RBP3: variants seen among roughly 807,000 people sequenced by gnomAD.
RBP3 encodes the protein retinol binding protein 3.
A neutral mutation model predicts 64.8 loss-of-function variants in RBP3; 50 were observed. That is an observed-to-expected ratio of 0.77 (90% CI 0.61 to 0.98). The LOEUF is 0.98. Ranked by LOEUF, RBP3 falls within the 50% of genes least tolerant of loss-of-function variation. The probability of loss-of-function intolerance (pLI) is 0.00; values close to 1 mark genes in which losing one functional copy is unlikely to be tolerated. For synonymous variants in RBP3, 828 were observed against 730.2 expected (o/e 1.13, Z -2.16); for missense variants, 1,712 against 1,660.5 (o/e 1.03, Z -0.54).
intron 3 of RBP3, among the ~76,000 whole-genome samples, chr10:47,356,552 A>T (rs929714947): frequency 1.3e-5 from 2 of 152,212 alleles, no homozygotes; most frequent in Admixed American, 1.3e-4. Context: ...TTACATTTTG[A>T]AAAGAATGTA....
chr10:47,349,572 T>C lies in RBP3; in HGVS notation c.1088T>C (p.Val363Ala). 1 of 1,612,886 alleles carries C rather than the reference T, an allele frequency of 6.2e-7. No homozygotes were observed. The change falls in exon 1 of 4, where the codon GTC (valine) becomes GCC (alanine). Residue 363 changes from valine (V) to alanine (A), a missense_variant. Transcript: ENST00000584701. ...GCCAGCATGGACTTCTCCACGGTGG[T>C]CTCCGAGGAAGATCTGGTCACCAAG... ...HLASMDFSTV[V>A]SEEDLVTKLN...
rs782491752 is a variant in RBP3, at chr10:47,350,559, A to G, written c.2075A>G (p.Glu692Gly). ...LASQLTADLQEVSGDHRLLVF... is the reference protein window; with the variant it reads ...LASQLTADLQGVSGDHRLLVF... ...TCTCAGCTCACAGCAGACCTCCAGG[A>G]GGTGTCTGGGGACCACCGCTTGCTA... is the stretch of plus-strand genomic sequence containing the variant. Residue 692 changes from glutamate (E) to glycine (G), a missense_variant, in exon 1 of 4, where the codon GAG becomes GGG. Transcript: ENST00000584701. 6.2e-7 allele frequency: 1 copy of G among 1,612,930 alleles called. No individual in the cohort carries two copies. The highest frequency in any genetic ancestry group is 8.5e-7 in the Non-Finnish European group (1 of 1,180,016).
At position 47,357,545 on chromosome 10, in the gene RBP3, T is replaced by G. The variant is rs544739193; in HGVS notation, c.*88T>G. On this transcript the variant is annotated 3_prime_UTR_variant, in exon 4 of 4. Coordinates refer to ENST00000584701, the MANE Select transcript of RBP3 (RefSeq NM_002900.3). ...CTCCTGCAGGTGGCCCGGCCTGAGG[T>G]TCCCAGGAGCAGCAAAGGGGCCTGC... 8.1e-7 allele frequency: 1 copy of G among 1,230,858 alleles called. No homozygotes were observed. The highest frequency in any genetic ancestry group is 2.1e-5 in the Admixed American group (1 of 46,762). 76.2% of individuals were successfully genotyped at this position (1,230,858 alleles called of 1,614,324 possible). A position where few individuals can be genotyped will look rare whatever the true frequency, so the allele number is the denominator to read the frequency against.
chr10:47,351,473 C>T lies in RBP3; in HGVS notation c.2989C>T (p.His997Tyr). 1 of 1,613,874 alleles carries T rather than the reference C, an allele frequency of 6.2e-7. No homozygotes were observed. Residue 997 changes from histidine (H) to tyrosine (Y), a missense_variant, in exon 1 of 4, where the codon CAC becomes TAC. Coordinates refer to ENST00000584701, the MANE Select transcript of RBP3 (RefSeq NM_002900.3). Reference sequence around the variant, plus strand: ...CCTGCAGATGCTCTCCGGAGACCCACACCTGAAGGCAGCCCATATCCCTGA... The same window carrying T: ...CCTGCAGATGCTCTCCGGAGACCCATACCTGAAGGCAGCCCATATCCCTGA... ...ADLQMLSGDPHLKAAHIPENA... is the reference protein window; with the variant it reads ...ADLQMLSGDPYLKAAHIPENA...
At chr10:47,357,034 G>C in intron 3 of RBP3, 68 bp from the exon 4 acceptor site, 1 of 1,461,054 alleles carries the variant, frequency 6.8e-7, no homozygotes. Flanking sequence ...GGCCCAGGCA[G>C]GATAGAGAAG....
At chr10:47,355,237 TA>T in intron 2 of RBP3, 138 bp from the exon 3 acceptor site, 1 of 957,742 alleles carries the variant, frequency 1.0e-6, no homozygotes, top group Non-Finnish European at 1.6e-6. Flanking sequence ...CATGGAATTC[TA>T]AAGGAGGAAG....
rs1555210856 is a variant in RBP3 at position 47,348,575 on chromosome 10, A to T, written c.91A>T (p.Met31Leu). The T allele has an allele frequency of 6.2e-7, 1 of 1,613,272 alleles. No individual in the cohort carries two copies. The highest frequency in any genetic ancestry group is 2.2e-5 in the East Asian group (1 of 44,878). ...GTTCCAGCCAAGCCTGGTGCTGGAC[A>T]TGGCCAAGGTCCTCTTGGATAACTA... Reference protein sequence around the residue: ...HLFQPSLVLDMAKVLLDNYCF... With the variant: ...HLFQPSLVLDLAKVLLDNYCF... The change falls in exon 1 of 4, where the codon ATG (methionine) becomes TTG (leucine). Residue 31 changes from methionine (M) to leucine (L), a missense_variant. Transcript: ENST00000584701.
Position 47,353,383 on chromosome 10 carries a change from T to C in RBP3, c.3113T>C (p.Leu1038Pro). Residue 1038 changes from leucine to proline, a missense_variant, in exon 2 of 4, where the codon CTT becomes CCT. Leu to Pro is a moderately conservative substitution (Grantham distance 98). Coordinates refer to ENST00000584701, the MANE Select transcript of RBP3 (RefSeq NM_002900.3). ...LIKFSFHTNV[L>P]EDNIGYLRFD... ...AAGTTTTCCTTCCACACTAACGTGC[T>C]TGAGGACAACATTGGCTACTTGAGG... 6.2e-7 allele frequency: 1 copy of C among 1,614,152 alleles called. No homozygotes were observed. Among genetic ancestry groups the C allele is most frequent in the South Asian group, 1.1e-5 (1 of 91,088 alleles).
In RBP3 at chr10:47,350,464, C is replaced by T; in HGVS notation, c.1980C>T (p.Thr660=). The change falls in exon 1 of 4, where the codon ACC becomes ACT. Residue 660 remains threonine (T), a synonymous_variant. Coordinates refer to ENST00000584701, the MANE Select transcript of RBP3 (RefSeq NM_002900.3). The part of the protein sequence containing the change: ...HYARPEVVGQ[T]SALLRAKLAQ... ...CTCGGCCAGAGGTCGTGGGGCAGAC[C>T]AGTGCCCTCCTGCGGGCCAAGCTGG... 1 of 1,612,506 alleles carries T rather than the reference C, an allele frequency of 6.2e-7. No homozygotes were observed. Among genetic ancestry groups the T allele is most frequent in the Non-Finnish European group, 8.5e-7 (1 of 1,179,976 alleles).
intron 2 of RBP3, 136 bp downstream of exon 2, chr10:47,353,651 C>G (rs1837010166): frequency 9.9e-7 from 1 of 1,010,588 alleles, no homozygotes; most frequent in Non-Finnish European, 1.5e-6. Context: ...GGCCTCCTGC[C>G]TATCAGGGCT....
rs782401596 is a variant in RBP3, at chr10:47,349,351, T to G, written c.867T>G (p.Leu289=). 1 of 1,612,414 alleles carries G rather than the reference T, an allele frequency of 6.2e-7. No homozygotes were observed. The highest frequency in any genetic ancestry group is 8.5e-7 in the Non-Finnish European group (1 of 1,179,952). The change falls in exon 1 of 4, where the codon CTT becomes CTG. Residue 289 remains leucine, a synonymous_variant. Transcript: ENST00000584701. ...TVPVSRSLGP[L]GGGSQTWEGS... is the part of the protein sequence containing the mutation. ...CCGTGTCCAGGTCCCTGGGGCCCCT[T>G]GGTGGAGGCAGCCAGACGTGGGAGG...
At position 47,349,573 on chromosome 10, in the gene RBP3, C is replaced by T; in HGVS notation, c.1089C>T (p.Val363=). 1.2e-6 allele frequency: 2 copies of T among 1,613,008 alleles called. No individual in the cohort carries two copies. Among genetic ancestry groups the T allele is most frequent in the Non-Finnish European group, 1.7e-6 (2 of 1,180,014 alleles). ...HLASMDFSTV[V]SEEDLVTKLN... is the part of the protein sequence containing the mutation. The stretch of plus-strand genomic sequence containing the variant: ...CCAGCATGGACTTCTCCACGGTGGT[C>T]TCCGAGGAAGATCTGGTCACCAAGC... Residue 363 remains valine, a synonymous_variant, in exon 1 of 4, where the codon GTC becomes GTT. Transcript: ENST00000584701.
rs782543571 is a variant in RBP3, at chr10:47,349,994, G to A, written c.1510G>A (p.Val504Met). 5.0e-6 allele frequency: 8 copies of A among 1,612,810 alleles called. No individual in the cohort carries two copies. Among genetic ancestry groups the A allele is most frequent in the Admixed American group, 1.7e-5 (1 of 59,968 alleles). ...CTTCCAGGGCCCTGAGGCCGGCCCC[G>A]TGCACCTCTTCACCACCTATGATCG... ...SYFQGPEAGP[V>M]HLFTTYDRRT... Residue 504 changes from valine to methionine, a missense_variant, in exon 1 of 4, where the codon GTG (valine) becomes ATG (methionine). Transcript: ENST00000584701.
At chr10:47,355,874 G>A (rs1046232774) in intron 3 of RBP3, among the ~76,000 whole-genome samples, 41 of 151,984 alleles carry the variant, frequency 2.7e-4, no homozygotes, top group Admixed American at 7.2e-4. Context: ...GATTCTCCCC[G>A]CCCCTCACCA....
chr10:47,350,486 C>T lies in RBP3; in HGVS notation c.2002C>T (p.Leu668=), dbSNP rs782017531. ...GQTSALLRAK[L]AQGAYRTAVD... is the part of the protein sequence containing the mutation. The stretch of plus-strand genomic sequence containing the variant: ...GACCAGTGCCCTCCTGCGGGCCAAG[C>T]TGGCCCAGGGCGCCTACCGCACAGC... The change falls in exon 1 of 4, where the codon CTG becomes TTG. Residue 668 remains leucine (L), a synonymous_variant. Coordinates refer to ENST00000584701, the MANE Select transcript of RBP3 (RefSeq NM_002900.3). The T allele has an allele frequency of 2.0e-5, 33 of 1,612,572 alleles. No individual in the cohort carries two copies. The highest frequency in any genetic ancestry group is 2.4e-5 in the Non-Finnish European group (28 of 1,180,042).
At position 47,351,153 on chromosome 10, in the gene RBP3, A is replaced by T; in HGVS notation, c.2669A>T (p.Tyr890Phe). The T allele has an allele frequency of 6.2e-7, 1 of 1,613,090 alleles. No individual in the cohort carries two copies. Among genetic ancestry groups the T allele is most frequent in the East Asian group, 2.2e-5 (1 of 44,882 alleles). The change falls in exon 1 of 4, where the codon TAT becomes TTT. Residue 890 changes from tyrosine to phenylalanine, a missense_variant. By Grantham distance (22) the Tyr-to-Phe change is conservative. Transcript: ENST00000584701. ...GIYQVGSSPL[Y>F]ASMPTQMAMS... is the part of the protein sequence containing the mutation. ...TACCAGGTGGGCAGCAGCCCCTTAT[A>T]TGCATCCATGCCCACCCAGATGGCC...
At chr10:47,352,027 T>G (rs782389809) in intron 1 of RBP3, among the ~76,000 whole-genome samples, 1 of 152,188 alleles carries the variant, frequency 6.6e-6, no homozygotes, top group Non-Finnish European at 1.5e-5. Context: ...TAGGCAGCAC[T>G]CACACCTCCA....
chr10:47,355,231 G>A, intron 2 of RBP3, 145 bp from the exon 3 acceptor site: 1 of 891,756 alleles, frequency 1.1e-6, no homozygotes, highest in East Asian at 2.6e-5. Flanking sequence ...CCAACCCATG[G>A]AATTCTAAAG....
rs782253394 is a variant in RBP3 at position 47,349,266 on chromosome 10, G to A, written c.782G>A (p.Gly261Glu). 1 of 1,613,112 alleles carries A rather than the reference G, an allele frequency of 6.2e-7. No individual in the cohort carries two copies. Among genetic ancestry groups the A allele is most frequent in the Admixed American group, 1.7e-5 (1 of 60,022 alleles). The part of the protein sequence containing the change: ...RAIVVGERTG[G>E]GALDLRKLRI... ...ATCGTGGTGGGCGAGCGGACTGGGG[G>A]AGGGGCCCTGGACCTCCGGAAGCTG... The change falls in exon 1 of 4, where the codon GGA becomes GAA. Residue 261 changes from glycine (G) to glutamate (E), a missense_variant. Physicochemically the swap from Gly to Glu is moderately conservative, Grantham distance 98 (BLOSUM62 -2). Transcript: ENST00000584701.
Sources: gnomAD v4.1 joint callset for allele counts (sites outside exome capture counted in the v4.1 genomes callset) on GRCh38, gnomAD v4.1.1 for gene constraint, MANE v1.5 for transcripts, NCBI Gene and HGNC (gene_info 2026-07-23, HGNC 2026-07-21) for gene names.